The following TCF12 variants were observed in gnomAD, a reference collection of about 807,000 sequenced individuals.
TCF12 encodes the protein transcription factor 12.
In TCF12, 45 loss-of-function variants were observed where a neutral mutation model predicts 86.0. The ratio of observed to expected loss-of-function variants is 0.52; its 90% CI spans 0.41 to 0.67. TCF12 has a LOEUF of 0.67. Ranked by LOEUF, TCF12 falls within the 30% of genes least tolerant of loss-of-function variation. The probability of loss-of-function intolerance (pLI) is 0.00; values close to 1 mark genes in which losing one functional copy is unlikely to be tolerated. For missense variants in TCF12, 881 were observed against 859.9 expected (o/e 1.02, Z -0.31); for synonymous variants, 330 against 299.6 (o/e 1.10, Z -1.05).
In TCF12 at chr15:57,172,755, A is replaced by G. The variant is rs905176155; in HGVS notation, c.390+6289A>G. On this transcript the variant is annotated intron_variant, in intron 6 of 20. Coordinates refer to ENST00000333725, the MANE Select transcript of TCF12 (RefSeq NM_207037.2). ...GAGTTTACCTATATAACAAAGCTGA[A>G]CATGTGCCTCTGAATCTAAAATACA... 3.3e-5 allele frequency among the ~76,000 whole-genome samples: 5 copies of G among 152,126 alleles called. No individual in the cohort carries two copies. In the East Asian group the frequency reaches 9.6e-4, roughly 29 times the overall value.
intron 3 of TCF12, among the ~76,000 whole-genome samples, chr15:56,976,224 C>CTTTTTTTTTTT: frequency 1.7e-5 from 1 of 57,378 alleles, no homozygotes; most frequent in Non-Finnish European, 3.0e-5. Flanking sequence ...AAGGAAGTTT[C>CTTTTTTTTTTT]TTTTTTTTTT....
intron 5 of TCF12, among the ~76,000 whole-genome samples, chr15:57,140,017 A>T (rs1180869518): frequency 6.6e-6 from 1 of 152,216 alleles, no homozygotes; most frequent in Non-Finnish European, 1.5e-5. Context: ...AAAAATCAAC[A>T]TAATTACCAT....
intron 3 of TCF12, among the ~76,000 whole-genome samples, chr15:56,945,435 T>G (rs1567143784): frequency 6.6e-6 from 1 of 152,150 alleles, no homozygotes; most frequent in Admixed American, 6.5e-5. Flanking sequence ...AGTGCAGGAC[T>G]GCAGGTAATA....
intron 3 of TCF12, among the ~76,000 whole-genome samples, chr15:57,048,385 A>C (rs966193708): frequency 6.6e-6 from 1 of 151,952 alleles, no homozygotes; most frequent in Non-Finnish European, 1.5e-5. Context: ...CCTCAGCCTC[A>C]CAAGTAGCTG....
chr15:57,003,651 T>C (rs553634506), intron 3 of TCF12, among the ~76,000 whole-genome samples: 117 of 152,336 alleles, frequency 7.7e-4, no homozygotes, highest in African/African-American at 2.8e-3. Context: ...GGAATGTGCA[T>C]GTTTGGTGAC....
intron 5 of TCF12, among the ~76,000 whole-genome samples, chr15:57,124,650 C>A (rs762818239): frequency 2.0e-5 from 3 of 152,094 alleles, no homozygotes; most frequent in Non-Finnish European, 2.9e-5. Context: ...TCACCAGACA[C>A]AATGGCTTGA....
intron 3 of TCF12, among the ~76,000 whole-genome samples, chr15:57,003,503 A>G (rs1211280376): frequency 2.0e-5 from 3 of 152,186 alleles, no homozygotes; most frequent in Admixed American, 6.5e-5. Context: ...AGCACTTACA[A>G]TGACTTGGGG....
chr15:57,076,157 G>A (rs1034734167), intron 4 of TCF12, among the ~76,000 whole-genome samples: 8 of 151,718 alleles, frequency 5.3e-5, no homozygotes, highest in African/African-American at 1.9e-4. Flanking sequence ...CGTTCGGATG[G>A]GCATCAGATT....
intron 3 of TCF12, among the ~76,000 whole-genome samples, chr15:56,959,267 C>G (rs1251503825): frequency 6.6e-6 from 1 of 152,168 alleles, no homozygotes; most frequent in Admixed American, 6.5e-5. Context: ...AAATTGATTT[C>G]TGCTACGAAT....
chr15:57,188,429 A>G (rs2056799816), intron 6 of TCF12, among the ~76,000 whole-genome samples: 1 of 152,236 alleles, frequency 6.6e-6, no homozygotes. Context: ...TGCAATACCC[A>G]TCAAACTTCC....
chr15:56,980,490 C>G (rs1389548423), intron 3 of TCF12, among the ~76,000 whole-genome samples: 1 of 152,182 alleles, frequency 6.6e-6, no homozygotes, highest in African/African-American at 2.4e-5. Context: ...GGCGCCCTTA[C>G]TGTAGACTTT....
At chr15:56,940,127 T>C (rs1439387146) in intron 3 of TCF12, among the ~76,000 whole-genome samples, 1 of 151,970 alleles carries the variant, frequency 6.6e-6, no homozygotes, top group Non-Finnish European at 1.5e-5. Flanking sequence ...GCCAACACTT[T>C]GGAAACAATA....
intron 3 of TCF12, among the ~76,000 whole-genome samples, chr15:57,014,678 C>A (rs552579803): frequency 2.5e-4 from 38 of 152,134 alleles, no homozygotes; most frequent in African/African-American, 8.9e-4. Context: ...TGGCAGCCTA[C>A]CTAAAGGGGT....
At chr15:57,210,801 C>CT (rs1247697327) in intron 8 of TCF12, among the ~76,000 whole-genome samples, 1 of 152,196 alleles carries the variant, frequency 6.6e-6, no homozygotes, top group Non-Finnish European at 1.5e-5. Context: ...TACTCCCTTA[C>CT]TTTATCCTGT....
rs138562019 is a variant in TCF12, at chr15:57,075,293, C to T, written c.222+11470C>T. On this transcript the variant is annotated intron_variant, in intron 4 of 20. Coordinates refer to ENST00000333725, the MANE Select transcript of TCF12 (RefSeq NM_207037.2). ...CTAATTTTGCCTTACTTCCTTAGAT[C>T]GTTTTTCCTCAGTATCTTTCTTCCC... is the stretch of plus-strand genomic sequence containing the variant. Among the ~76,000 whole-genome samples, 419 of 152,246 alleles carry T rather than the reference C, an allele frequency of 2.8e-3. 3 individuals carry two copies. The highest frequency in any genetic ancestry group is 4.0e-3 in the Non-Finnish European group (269 of 68,014).
At chr15:57,124,883 G>T (rs1396474656) in intron 5 of TCF12, among the ~76,000 whole-genome samples, 3 of 5,286 alleles carry the variant, frequency 5.7e-4, no homozygotes, top group Non-Finnish European at 2.0e-3. Context: ...GCGTTTCACC[G>T]TGTCAGTCTT....
intron 3 of TCF12, among the ~76,000 whole-genome samples, chr15:57,030,239 T>C (rs1483469282): frequency 1.3e-5 from 2 of 152,028 alleles, no homozygotes; most frequent in Admixed American, 6.5e-5. Context: ...GATTAATTGA[T>C]TAATCAATTG....
intron 8 of TCF12, among the ~76,000 whole-genome samples, chr15:57,229,773 A>G (rs575966062): frequency 1.3e-5 from 2 of 151,888 alleles, no homozygotes; most frequent in Non-Finnish European, 3.0e-5. Flanking sequence ...ATATAATTTC[A>G]TCTGATCTGC....
intron 3 of TCF12, among the ~76,000 whole-genome samples, chr15:57,023,246 T>C (rs1308071089): frequency 1.3e-5 from 2 of 152,216 alleles, no homozygotes; most frequent in African/African-American, 4.8e-5. Flanking sequence ...TCAGTGCTTG[T>C]TTAGAGTATT....
Sources: gnomAD v4.1 joint callset for allele counts (sites outside exome capture counted in the v4.1 genomes callset) on GRCh38, gnomAD v4.1.1 for gene constraint, MANE v1.5 for transcripts, NCBI Gene and HGNC (gene_info 2026-07-23, HGNC 2026-07-21) for gene names.